The following SNTG1 variants were observed in gnomAD, a reference collection of about 807,000 sequenced individuals.
SNTG1 encodes the protein syntrophin gamma 1.
SNTG1 carries 39 observed loss-of-function variants against 74.7 expected under a neutral mutation model. That is an observed-to-expected ratio of 0.52 (90% CI 0.40 to 0.68). The LOEUF is 0.68. Ranked by LOEUF, SNTG1 falls within the 30% of genes least tolerant of loss-of-function variation. The pLI, the probability that SNTG1 is intolerant of heterozygous loss-of-function variation, is 0.00. For missense variants in SNTG1, 685 were observed against 609.5 expected, an observed-to-expected ratio of 1.12 and a Z score of -1.30; for synonymous variants, 254 against 217.1, an observed-to-expected ratio of 1.17 and a Z score of -1.49.
At chr8:49,924,003 G>A (rs1806796135) in intron 1 of SNTG1, among the ~76,000 whole-genome samples, 1 of 152,118 alleles carries the variant, frequency 6.6e-6, no homozygotes, top group Non-Finnish European at 1.5e-5. Flanking sequence ...AGCAATAAAT[G>A]TGTTTTTGTT....
chr8:50,062,608 AT>A (rs914670074), intron 1 of SNTG1, among the ~76,000 whole-genome samples: 20 of 151,770 alleles, frequency 1.3e-4, no homozygotes, highest in African/African-American at 4.4e-4. Flanking sequence ...AATATTTTTT[AT>A]TTTTTTTACT....
chr8:50,550,129 C>A (rs13259136), intron 11 of SNTG1, among the ~76,000 whole-genome samples: 1 of 152,148 alleles, frequency 6.6e-6, no homozygotes, highest in Non-Finnish European at 1.5e-5. Context: ...TTACCAGTGA[C>A]AGTCTTTTCC....
chr8:50,449,114 G>C (rs2093432340), intron 5 of SNTG1, among the ~76,000 whole-genome samples: 1 of 152,168 alleles, frequency 6.6e-6, no homozygotes, highest in Admixed American at 6.5e-5. Context: ...GTTTTACTCT[G>C]CAAATTGTTT....
chr8:49,991,977 A>G (rs935830487), intron 1 of SNTG1, among the ~76,000 whole-genome samples: 1 of 152,152 alleles, frequency 6.6e-6, no homozygotes, highest in African/African-American at 2.4e-5. Context: ...TAAAGCTGTT[A>G]AAAAATAATG....
chr8:50,276,930 C>A lies in SNTG1; in HGVS notation c.-28+104295C>A, dbSNP rs547535123. ...TTGGCTCACTGCAAGCTCCGCCTCC[C>A]ACCATTCTCCTGCCTCAGCCTCCCA... On this transcript the variant is annotated intron_variant, in intron 2 of 18. Coordinates refer to ENST00000642720, the MANE Select transcript of SNTG1 (RefSeq NM_018967.5). 5.3e-5 allele frequency among the ~76,000 whole-genome samples: 8 copies of A among 152,046 alleles called. 1 individual carries two copies. The highest frequency in any genetic ancestry group is 1.9e-4 in the African/African-American group (8 of 41,494).
At chr8:50,392,488 C>T (rs2092675308) in intron 2 of SNTG1, among the ~76,000 whole-genome samples, 1 of 152,180 alleles carries the variant, frequency 6.6e-6, no homozygotes, top group Non-Finnish European at 1.5e-5. Context: ...CTATTATTCC[C>T]TCTCCCAATG....
chr8:50,509,158 C>A (rs996623752), intron 9 of SNTG1, among the ~76,000 whole-genome samples: 1 of 152,168 alleles, frequency 6.6e-6, no homozygotes, highest in African/African-American at 2.4e-5. Context: ...GTTCTCCCAG[C>A]ACCATTTATT....
In SNTG1 at chr8:50,084,472, TA is replaced by T. The variant is rs530611692; in HGVS notation, c.-102-88081del. 4.9e-4 allele frequency among the ~76,000 whole-genome samples: 74 copies of T among 151,676 alleles called. 2 individuals are homozygous for T. Among genetic ancestry groups the T allele is most frequent in the Admixed American group, 3.4e-3 (52 of 15,192 alleles). On this transcript the variant is annotated intron_variant, in intron 1 of 18. Transcript: ENST00000642720. ...AGACTCCATCTCAAAAAAAATAAAA[TA>T]AAAAAAAGTAGACTGTAAAACTAAT...
At chr8:50,594,761 GA>G (rs1367210731) in intron 13 of SNTG1, among the ~76,000 whole-genome samples, 1 of 152,048 alleles carries the variant, frequency 6.6e-6, no homozygotes, top group Non-Finnish European at 1.5e-5. Context: ...AAAAGCAACA[GA>G]AAAATGGCAA....
chr8:50,376,107 A>T (rs2092373264), intron 2 of SNTG1, among the ~76,000 whole-genome samples: 1 of 152,150 alleles, frequency 6.6e-6, no homozygotes, highest in African/African-American at 2.4e-5. Flanking sequence ...GTAAATTTAC[A>T]TCCTACTTTT....
chr8:50,648,103 G>A (rs923073103), intron 13 of SNTG1, among the ~76,000 whole-genome samples: 4 of 152,068 alleles, frequency 2.6e-5, no homozygotes, highest in African/African-American at 7.2e-5. Context: ...CATAGTAAAC[G>A]GGAAGGTGAA....
chr8:50,592,647 T>G (rs905494106), intron 13 of SNTG1, among the ~76,000 whole-genome samples: 10 of 152,210 alleles, frequency 6.6e-5, no homozygotes, highest in Admixed American at 3.9e-4. Context: ...CATACTCATA[T>G]GTAAGCATAG....
rs2130992331 is a variant in SNTG1 at position 50,612,181 on chromosome 8, G to A, written c.849+21264G>A. On this transcript the variant is annotated intron_variant, in intron 13 of 18. Coordinates refer to ENST00000642720, the MANE Select transcript of SNTG1 (RefSeq NM_018967.5). ...TAATATTGTATTTTGTAATCACCTT[G>A]TCAACCTTTGTGCTTTCTAAGAGTT... 3.3e-5 allele frequency among the ~76,000 whole-genome samples: 5 copies of A among 152,276 alleles called. No homozygotes were observed. The South Asian group carries it at 1.0e-3, about 32-fold the overall frequency.
In SNTG1 at chr8:50,635,609, G is replaced by A. The variant is rs919912633; in HGVS notation, c.850-21300G>A. Among the ~76,000 whole-genome samples, 12 of 152,248 alleles carry A rather than the reference G, an allele frequency of 7.9e-5. No homozygotes were observed. In the East Asian group the frequency reaches 9.7e-4, roughly 12 times the overall value. Reference sequence around the variant, plus strand: ...CAGGGAGTGCTTCCAGGCAATTGCCGATGTTCACTTAAGGCCAGGCCACTG... The same window carrying A: ...CAGGGAGTGCTTCCAGGCAATTGCCAATGTTCACTTAAGGCCAGGCCACTG... On this transcript the variant is annotated intron_variant, in intron 13 of 18. Coordinates refer to ENST00000642720, the MANE Select transcript of SNTG1 (RefSeq NM_018967.5).
At chr8:50,126,878 G>A (rs986070436) in intron 1 of SNTG1, among the ~76,000 whole-genome samples, 1 of 152,096 alleles carries the variant, frequency 6.6e-6, no homozygotes, top group African/African-American at 2.4e-5. Context: ...TGGTAGTGAA[G>A]GTGAGTACCA....
chr8:50,421,373 C>T (rs144491355), intron 4 of SNTG1, among the ~76,000 whole-genome samples: 1 of 152,274 alleles, frequency 6.6e-6, no homozygotes, highest in Non-Finnish European at 1.5e-5. Context: ...CCCTTTTAAA[C>T]AATACAGCAT....
At chr8:50,062,856 C>A (rs977540141) in intron 1 of SNTG1, among the ~76,000 whole-genome samples, 2 of 152,144 alleles carry the variant, frequency 1.3e-5, no homozygotes, top group African/African-American at 4.8e-5. Flanking sequence ...ATAATATGTG[C>A]ATATTTACCC....
intron 18 of SNTG1, among the ~76,000 whole-genome samples, chr8:50,783,187 C>T (rs1457905718): frequency 6.6e-6 from 1 of 152,208 alleles, no homozygotes; most frequent in Non-Finnish European, 1.5e-5. Context: ...ATTCTCAGAT[C>T]TCCAGCTGCC....
At chr8:50,063,346 A>G (rs1258376260) in intron 1 of SNTG1, among the ~76,000 whole-genome samples, 3 of 152,262 alleles carry the variant, frequency 2.0e-5, no homozygotes. Context: ...TGTATATGTC[A>G]CAATGGCAAT....
Sources: gnomAD v4.1 joint callset for allele counts (sites outside exome capture counted in the v4.1 genomes callset) on GRCh38, gnomAD v4.1.1 for gene constraint, MANE v1.5 for transcripts, NCBI Gene and HGNC (gene_info 2026-07-23, HGNC 2026-07-21) for gene names.